The following ELMO1 variants were observed in gnomAD, a reference collection of about 807,000 sequenced individuals.
ELMO1 encodes engulfment and cell motility 1, also known as engulfment and cell motility protein 1.
A neutral mutation model predicts 98.9 loss-of-function variants in ELMO1; 26 were observed. The observed-to-expected ratio is 0.26, with a 90% confidence interval of 0.19 to 0.36. The LOEUF is 0.36. Among genes scored for constraint, ELMO1 ranks in the 10% least tolerant of loss-of-function variants. The pLI is 1.00. For synonymous variants in ELMO1, 346 were observed against 346.0 expected, an observed-to-expected ratio of 1.00 and a Z score of 0.00; for missense variants, 627 against 935.2, an observed-to-expected ratio of 0.67 and a Z score of 4.30.
At chr7:37,009,635 A>G (rs1323162659) in intron 16 of ELMO1, among the ~76,000 whole-genome samples, 2 of 152,202 alleles carry the variant, frequency 1.3e-5, no homozygotes, top group Non-Finnish European at 2.9e-5. Context: ...CTCCTTCTCC[A>G]GTGAGGAGCT....
intron 14 of ELMO1, among the ~76,000 whole-genome samples, chr7:37,112,724 C>A (rs1260564985): frequency 6.6e-6 from 1 of 152,050 alleles, no homozygotes; most frequent in East Asian, 1.9e-4. Context: ...AATTTTGGAA[C>A]CTTGGGTTTT....
intron 15 of ELMO1, among the ~76,000 whole-genome samples, chr7:37,073,758 T>C (rs1797410119): frequency 6.6e-6 from 1 of 152,074 alleles, no homozygotes; most frequent in African/African-American, 2.4e-5. Context: ...GGTAATTTTA[T>C]TTTATTTTTT....
intron 16 of ELMO1, among the ~76,000 whole-genome samples, chr7:36,952,260 CAGAG>C (rs1362576504): frequency 6.6e-6 from 1 of 152,180 alleles, no homozygotes; most frequent in Non-Finnish European, 1.5e-5. Context: ...AAGAAGCCAT[CAGAG>C]GCCCTTTAAT....
chr7:37,444,049 T>C (rs1456265101), intron 1 of ELMO1, among the ~76,000 whole-genome samples: 1 of 152,110 alleles, frequency 6.6e-6, no homozygotes, highest in Non-Finnish European at 1.5e-5. Flanking sequence ...GGACTACAGG[T>C]GCATGCCATC....
At chr7:37,074,510 C>T (rs547356258) in intron 15 of ELMO1, among the ~76,000 whole-genome samples, 3 of 152,276 alleles carry the variant, frequency 2.0e-5, no homozygotes, top group East Asian at 3.9e-4. Flanking sequence ...TAGGTATTTG[C>T]CTAATAACTC....
At chr7:37,385,594 A>G (rs1802766003) in intron 1 of ELMO1, among the ~76,000 whole-genome samples, 1 of 152,166 alleles carries the variant, frequency 6.6e-6, no homozygotes. Flanking sequence ...CATCTCAGAC[A>G]TTTGTTTACT....
intron 17 of ELMO1, among the ~76,000 whole-genome samples, chr7:36,888,898 T>C (rs767136138): frequency 6.6e-6 from 1 of 152,208 alleles, no homozygotes; most frequent in African/African-American, 2.4e-5. Context: ...ATGAGCCAGG[T>C]AGTGCAATAT....
At chr7:37,324,554 T>TC (rs372377645) in intron 2 of ELMO1, among the ~76,000 whole-genome samples, 8 of 152,264 alleles carry the variant, frequency 5.3e-5, no homozygotes, top group Admixed American at 3.3e-4. Flanking sequence ...TTCTCTATCT[T>TC]CCCCCCAACT....
chr7:37,120,894 C>T (rs1165870795), intron 14 of ELMO1, among the ~76,000 whole-genome samples: 2 of 152,202 alleles, frequency 1.3e-5, no homozygotes, highest in East Asian at 3.9e-4. Context: ...CAGACTGACA[C>T]CTCACACAGC....
chr7:37,098,900 C>T (rs1784496840), intron 14 of ELMO1, among the ~76,000 whole-genome samples: 1 of 152,204 alleles, frequency 6.6e-6, no homozygotes, highest in Admixed American at 6.5e-5. Context: ...AGGTAGTTTT[C>T]CTCGGCTCCC....
chr7:37,134,997 C>A (rs1787172652), intron 13 of ELMO1, among the ~76,000 whole-genome samples: 1 of 152,176 alleles, frequency 6.6e-6, no homozygotes, highest in African/African-American at 2.4e-5. Context: ...TCCCTGACCT[C>A]ACCACTATTC....
At chr7:37,193,540 G>A (rs553932909) in intron 13 of ELMO1, among the ~76,000 whole-genome samples, 16 of 152,156 alleles carry the variant, frequency 1.1e-4, no homozygotes, top group African/African-American at 2.9e-4. Flanking sequence ...GTCACCACTC[G>A]GGGGGCTCCC....
chr7:37,424,486 G>A (rs1804624847), intron 1 of ELMO1, among the ~76,000 whole-genome samples: 1 of 152,156 alleles, frequency 6.6e-6, no homozygotes, highest in African/African-American at 2.4e-5. Flanking sequence ...AAGATTCTGA[G>A]TCCTATCCGT....
Position 37,164,840 on chromosome 7 carries a change from T to G in ELMO1, c.1087-31606A>C, listed in dbSNP as rs1001569481. 3.3e-5 allele frequency among the ~76,000 whole-genome samples: 5 copies of G among 150,800 alleles called. No individual in the cohort carries two copies. In the East Asian group the frequency reaches 5.8e-4, roughly 18 times the overall value. On this transcript the variant is annotated intron_variant, in intron 13 of 21. Coordinates refer to ENST00000310758, the MANE Select transcript of ELMO1 (RefSeq NM_014800.11). ...ATGCGGGCTCTTTTTTGGTTCCATA[T>G]GAACTTTAAAGTAGTTTTTTCCAAT...
At chr7:37,444,250 T>C (rs1243192405) in intron 1 of ELMO1, among the ~76,000 whole-genome samples, 4 of 152,170 alleles carry the variant, frequency 2.6e-5, no homozygotes, top group African/African-American at 9.7e-5. Context: ...GTAATTAGAA[T>C]CATTCATGTG....
intron 15 of ELMO1, among the ~76,000 whole-genome samples, chr7:37,050,430 T>C (rs767265673): frequency 1.1e-4 from 16 of 152,070 alleles, no homozygotes; most frequent in Non-Finnish European, 2.2e-4. Flanking sequence ...GTGCAAATCA[T>C]AGCCTTGAAA....
chr7:37,399,535 A>G (rs146205101), intron 1 of ELMO1, among the ~76,000 whole-genome samples: 2 of 152,338 alleles, frequency 1.3e-5, no homozygotes, highest in Non-Finnish European at 2.9e-5. Context: ...CTTGCCCACT[A>G]GCTGCTGTCA....
intron 15 of ELMO1, among the ~76,000 whole-genome samples, chr7:37,092,663 A>C (rs116736580): frequency 0.031 from 4,660 of 152,156 alleles, 175 homozygotes; most frequent in African/African-American, 0.087. Context: ...GCGTGAGCCA[A>C]CACATCCGGC....
chr7:36,855,804 T>A lies in ELMO1; in HGVS notation c.1984-53A>T. On this transcript the variant is annotated intron_variant, in intron 21 of 21. Coordinates refer to ENST00000310758, the MANE Select transcript of ELMO1 (RefSeq NM_014800.11). This position sits in a 1 kb window ranked among gnomAD's most constrained non-coding sequence, Gnocchi z 4.2. ...ATTACTGGTGGCAATTACAGAAGTA[T>A]TAATAGTAAAAATAGCTAACAGTGA... 3 of 1,602,242 alleles carry A rather than the reference T, an allele frequency of 1.9e-6. No homozygotes were observed. The highest frequency in any genetic ancestry group is 2.6e-6 in the Non-Finnish European group (3 of 1,170,216).
Sources: gnomAD v4.1 joint callset for allele counts (sites outside exome capture counted in the v4.1 genomes callset) on GRCh38, gnomAD v4.1.1 for gene constraint, Gnocchi (gnomAD v3.1) non-coding constraint, MANE v1.5 for transcripts, NCBI Gene and HGNC (gene_info 2026-07-23, HGNC 2026-07-21) for gene names.